Variants in VGLL3 observed in about 807,000 individuals in gnomAD.
VGLL3 encodes transcription cofactor vestigial-like protein 3.
In VGLL3, 18 loss-of-function variants were observed where a neutral mutation model predicts 29.2. The observed-to-expected ratio is 0.62, with a 90% CI of 0.43 to 0.91. The LOEUF (loss-of-function observed/expected upper bound fraction) is 0.91. Ranked by LOEUF, VGLL3 falls within the 40% of genes least tolerant of loss-of-function variation. The probability of loss-of-function intolerance (pLI) is 0.00; values close to 1 mark genes in which losing one functional copy is unlikely to be tolerated. For missense variants in VGLL3, 440 were observed against 413.2 expected, an observed-to-expected ratio of 1.06 and a Z score of -0.56; for synonymous variants, 180 against 151.8, an observed-to-expected ratio of 1.19 and a Z score of -1.36.
chr3:86,971,925 C>T (rs565634705), intron 2 of VGLL3, among the ~76,000 whole-genome samples: 9 of 152,258 alleles, frequency 5.9e-5, no homozygotes, highest in African/African-American at 1.9e-4. Context: ...ACTTCCATCT[C>T]CCGAGGGGCT....
In VGLL3 at chr3:86,969,040, A is replaced by C. The variant is rs1209402832; in HGVS notation, c.487T>G (p.Leu163Val). The change falls in exon 3 of 4, where the codon TTG becomes GTG. Residue 163 changes from leucine (L) to valine (V), a missense_variant. Transcript: ENST00000398399. ...SSYQPPPAPC[L>V]GGVHPDFQVT... Reference sequence around the variant, plus strand: ...TGGAAGTCAGGATGAACTCCCCCCAAACAAGGTGCAGGTGGGGGCTGGTAA... The same window carrying C: ...TGGAAGTCAGGATGAACTCCCCCCACACAAGGTGCAGGTGGGGGCTGGTAA... 6.2e-7 allele frequency: 1 copy of C among 1,614,124 alleles called. No individual in the cohort carries two copies. The highest frequency in any genetic ancestry group is 1.7e-5 in the Admixed American group (1 of 60,022).
rs116339552 is a variant in VGLL3, at chr3:86,967,102, C to A, written c.937+1488G>T. Among the ~76,000 whole-genome samples the A allele has an allele frequency of 4.1e-3, 626 of 151,998 alleles. 5 individuals carry two copies. The highest frequency in any genetic ancestry group is 0.014 in the African/African-American group (594 of 41,462). On this transcript the variant is annotated intron_variant, in intron 3 of 3. Transcript: ENST00000398399. ...AAAATGAAAGAGCAATAATCACATC[C>A]ATTTCCCCCCTTATTGGTAGAATTC...
rs1329189922 is a variant in VGLL3 at position 86,944,808 on chromosome 3, G to T, written c.*2216C>A. The T allele has an allele frequency of 2.6e-5, 4 of 152,190 alleles. No homozygotes were observed. The highest frequency in any genetic ancestry group is 9.7e-5 in the African/African-American group (4 of 41,444). 9.4% of individuals were successfully genotyped at this position (152,190 alleles called of 1,614,324 possible). Reference sequence around the variant, plus strand: ...CTTCATTGGGAAAATCCAACTGAATGATCTGAATGAGTTTAACACTACTTT... The same window carrying T: ...CTTCATTGGGAAAATCCAACTGAATTATCTGAATGAGTTTAACACTACTTT... On this transcript the variant is annotated 3_prime_UTR_variant, in exon 4 of 4. Coordinates refer to ENST00000398399, the MANE Select transcript of VGLL3 (RefSeq NM_016206.4).
chr3:86,957,067 C>T (rs913823204), intron 3 of VGLL3, among the ~76,000 whole-genome samples: 59 of 151,980 alleles, frequency 3.9e-4, no homozygotes, highest in African/African-American at 1.0e-3. Context: ...CTCAACAATA[C>T]GTAAGCATAA....
Position 86,990,707 on chromosome 3 carries a change from A to T in VGLL3, c.37T>A (p.Tyr13Asn), listed in dbSNP as rs200637524. 7.0e-7 allele frequency: 1 copy of T among 1,421,666 alleles called. No individual in the cohort carries two copies. Among genetic ancestry groups the T allele is most frequent in the South Asian group, 1.8e-5 (1 of 56,730 alleles). 88.1% of individuals were successfully genotyped at this position (1,421,666 alleles called of 1,614,324 possible). A position where few individuals can be genotyped will look rare whatever the true frequency, so the allele number is the denominator to read the frequency against. The change falls in exon 1 of 4, where the codon TAT becomes AAT. Residue 13 changes from tyrosine (Y) to asparagine (N), a missense_variant. Coordinates refer to ENST00000398399, the MANE Select transcript of VGLL3 (RefSeq NM_016206.4). ...CAEVMYHPQP[Y>N]GASQYLPNPM... ...TTGGGCAGATACTGGGACGCTCCAT[A>T]AGGCTGGGGGTGATACATCACCTCC... is the stretch of plus-strand genomic sequence containing the variant.
chr3:86,947,049 T>A lies in VGLL3; in HGVS notation c.956A>T (p.Lys319Met), dbSNP rs375611445. ...GFDTGLQHQD[K>M]SKESPWY ...TCAGTACCACGGTGATTCCTTACTC[T>A]TGTCTTGATGCTGTAGACCTGGAAC... Residue 319 changes from lysine (K) to methionine (M), a missense_variant, in exon 4 of 4, where the codon AAG becomes ATG. Physicochemically the swap from Lys to Met is moderately conservative, Grantham distance 95. Coordinates refer to ENST00000398399, the MANE Select transcript of VGLL3 (RefSeq NM_016206.4). The A allele has an allele frequency of 2.4e-5, 19 of 780,612 alleles. No homozygotes were observed. Among genetic ancestry groups the A allele is most frequent in the Non-Finnish European group, 3.8e-5 (16 of 417,912 alleles). The allele number at this position is 780,612 out of a possible 1,614,324, so 48.4% of individuals were successfully genotyped here.
rs995663577 is a variant in VGLL3, at chr3:86,940,108, A to G, written c.*6916T>C. The G allele has an allele frequency of 1.3e-5, 2 of 152,250 alleles. No individual in the cohort carries two copies. The highest frequency in any genetic ancestry group is 3.9e-4 in the East Asian group (2 of 5,192). The allele number at this position is 152,250 out of a possible 1,614,324, so 9.4% of individuals were successfully genotyped here. The stretch of plus-strand genomic sequence containing the variant: ...TTTCATCTGTAATGCTGGAAAGTCT[A>G]TTATTTAAATGCTGATTTTCAGACT... On this transcript the variant is annotated 3_prime_UTR_variant, in exon 4 of 4. Transcript: ENST00000398399.
chr3:86,955,612 A>T (rs754875209), intron 3 of VGLL3, among the ~76,000 whole-genome samples: 6 of 152,006 alleles, frequency 3.9e-5, no homozygotes, highest in Non-Finnish European at 8.8e-5. Flanking sequence ...GCTGGTCTCA[A>T]ACTCCTGACC....
chr3:86,980,537 T>A (rs1224253865), intron 1 of VGLL3, among the ~76,000 whole-genome samples: 1 of 152,172 alleles, frequency 6.6e-6, no homozygotes, highest in Admixed American at 6.6e-5. Flanking sequence ...AATAGATGAT[T>A]GCTTTTATTT....
intron 2 of VGLL3, among the ~76,000 whole-genome samples, chr3:86,975,943 C>A (rs1705201854): frequency 6.6e-6 from 1 of 152,012 alleles, no homozygotes; most frequent in Non-Finnish European, 1.5e-5. Flanking sequence ...GAAACCCCGT[C>A]TCTACCAAAA....
rs771777734 is a variant in VGLL3 at position 86,968,831 on chromosome 3, A to C, written c.696T>G (p.Pro232=). 6.2e-7 allele frequency: 1 copy of C among 1,614,138 alleles called. No homozygotes were observed. Among genetic ancestry groups the C allele is most frequent in the South Asian group, 1.1e-5 (1 of 91,074 alleles). The change falls in exon 3 of 4, where the codon CCT becomes CCG. Residue 232 remains proline, a synonymous_variant. Coordinates refer to ENST00000398399, the MANE Select transcript of VGLL3 (RefSeq NM_016206.4). The part of the protein sequence containing the change: ...MHDVYMRHHH[P]HAHMHHRHRH... ...GGTGGCGGTGGTGCATGTGGGCATGAGGGTGGTGGTGCCGCATGTACACGT... is the reference window on the plus strand; with the variant it reads ...GGTGGCGGTGGTGCATGTGGGCATGCGGGTGGTGGTGCCGCATGTACACGT...
At chr3:86,949,819 T>TC in intron 3 of VGLL3, among the ~76,000 whole-genome samples, 1 of 120,618 alleles carries the variant, frequency 8.3e-6, no homozygotes, top group Non-Finnish European at 1.7e-5. Flanking sequence ...AGAGCGAGAC[T>TC]CCATCTCAAA....
chr3:86,959,589 C>T (rs184404217), intron 3 of VGLL3, among the ~76,000 whole-genome samples: 234 of 152,204 alleles, frequency 1.5e-3, no homozygotes, highest in Middle Eastern at 3.4e-3. Flanking sequence ...TGATTCATCT[C>T]CATTTCATTG....
rs943574194 is a variant in VGLL3 at position 86,938,248 on chromosome 3, A to G, written c.*8776T>C. 6.6e-6 allele frequency: 1 copy of G among 152,228 alleles called. No individual in the cohort carries two copies. Among genetic ancestry groups the G allele is most frequent in the African/African-American group, 2.4e-5 (1 of 41,462 alleles). 9.4% of individuals were successfully genotyped at this position (152,228 alleles called of 1,614,324 possible). On this transcript the variant is annotated 3_prime_UTR_variant, in exon 4 of 4. Transcript: ENST00000398399. Reference sequence around the variant, plus strand: ...ATCATTATCACAATCAAATTAATTAATACAACCATAACTAGAAGTATTTTT... The same window carrying G: ...ATCATTATCACAATCAAATTAATTAGTACAACCATAACTAGAAGTATTTTT...
rs1217101315 is a variant in VGLL3, at chr3:86,939,242, T to C, written c.*7782A>G. The C allele has an allele frequency of 6.6e-6, 1 of 152,140 alleles. No homozygotes were observed. Among genetic ancestry groups the C allele is most frequent in the African/African-American group, 2.4e-5 (1 of 41,422 alleles). The allele number at this position is 152,140 out of a possible 1,614,324, so 9.4% of individuals were successfully genotyped here. A position where few individuals can be genotyped will look rare whatever the true frequency, so the allele number is the denominator to read the frequency against. On this transcript the variant is annotated 3_prime_UTR_variant, in exon 4 of 4. Coordinates refer to ENST00000398399, the MANE Select transcript of VGLL3 (RefSeq NM_016206.4). Reference sequence around the variant, plus strand: ...GAAAATGATGGAAGTCCAATACTAATTGTTGTAGGTAGAATAATGGCTCCA... The same window carrying C: ...GAAAATGATGGAAGTCCAATACTAACTGTTGTAGGTAGAATAATGGCTCCA...
At position 86,978,383 on chromosome 3, in the gene VGLL3, C is replaced by T. The variant is rs981001606; in HGVS notation, c.403+143G>A. 42 of 970,036 alleles carry T rather than the reference C, an allele frequency of 4.3e-5. No individual in the cohort carries two copies. In the East Asian group the frequency reaches 9.2e-4, roughly 21 times the overall value. The allele number at this position is 970,036 out of a possible 1,614,324, so 60.1% of individuals were successfully genotyped here. A position where few individuals can be genotyped will look rare whatever the true frequency, so the allele number is the denominator to read the frequency against. ...TGACAAAACCGATCCAGCTGTTTGT[C>T]TGAAAGAAATTCCTCACTGTCCTTA... On this transcript the variant is annotated intron_variant, in intron 2 of 3. Transcript: ENST00000398399.
At chr3:86,951,992 T>C (rs1211704510) in intron 3 of VGLL3, among the ~76,000 whole-genome samples, 2 of 151,982 alleles carry the variant, frequency 1.3e-5, no homozygotes, top group Admixed American at 6.6e-5. Flanking sequence ...AGAAACAGAT[T>C]AGAGGAGGAG....
chr3:86,988,304 G>C (rs1705493687), intron 1 of VGLL3, among the ~76,000 whole-genome samples: 1 of 151,912 alleles, frequency 6.6e-6, no homozygotes, highest in Non-Finnish European at 1.5e-5. Context: ...TTGTCTCCCA[G>C]GCAAGATGCT....
rs1390265467 is a variant in VGLL3 at position 86,943,662 on chromosome 3, G to T, written c.*3362C>A. 6.6e-6 allele frequency: 1 copy of T among 152,126 alleles called. No homozygotes were observed. The highest frequency in any genetic ancestry group is 2.4e-5 in the African/African-American group (1 of 41,430). The allele number at this position is 152,126 out of a possible 1,614,324, so 9.4% of individuals were successfully genotyped here. On this transcript the variant is annotated 3_prime_UTR_variant, in exon 4 of 4. Transcript: ENST00000398399. ...GAAGAAAGAAAAAGGAGAGCAAATA[G>T]AGGGGAAAGTTAAGAGAGGGTGCTT... is the stretch of plus-strand genomic sequence containing the variant.
Sources: allele counts gnomAD v4.1 joint callset (sites outside exome capture counted in the v4.1 genomes callset), GRCh38; gene constraint gnomAD v4.1.1; transcripts MANE v1.5; gene names NCBI Gene and HGNC (gene_info 2026-07-23, HGNC 2026-07-21).